The following PRKAR1A variants were observed in gnomAD, a reference collection of about 807,000 sequenced individuals.
PRKAR1A encodes protein kinase cAMP-dependent type I regulatory subunit alpha, also known as cAMP-dependent protein kinase type I-alpha regulatory subunit.
Under a neutral mutation model 52.0 loss-of-function variants are expected in PRKAR1A, and 3 were observed. That is an observed-to-expected ratio of 0.06 (90% CI 0.03 to 0.15). The LOEUF (loss-of-function observed/expected upper bound fraction) is 0.15. PRKAR1A is among the 10% of genes least tolerant of loss of function. The pLI is 1.00. For missense variants in PRKAR1A, 240 were observed against 477.4 expected (o/e 0.50, Z 4.63); for synonymous variants, 188 against 168.4 (o/e 1.12, Z -0.90).
the PRKAR1A span, among the ~76,000 whole-genome samples, chr17:68,480,114 C>G: frequency 6.6e-6 from 1 of 152,108 alleles, no homozygotes; most frequent in Non-Finnish European, 1.5e-5. Context: ...TCTCATGTTT[C>G]ATTTCTAGAA....
the PRKAR1A span, among the ~76,000 whole-genome samples, chr17:68,487,082 C>T: frequency 7.9e-5 from 12 of 152,212 alleles, no homozygotes; most frequent in East Asian, 1.9e-3. Flanking sequence ...CCATGTTAGC[C>T]AGGCTGGTCT....
the PRKAR1A span, chr17:68,421,426 G>A: frequency 2.6e-4 from 72 of 274,882 alleles, no homozygotes; most frequent in Non-Finnish European, 4.3e-4. Flanking sequence ...AATTCAAAGA[G>A]ATGTTCCTAT....
In PRKAR1A at chr17:68,530,392, A is replaced by G. The variant is rs2085940866; in HGVS notation, c.1089A>G (p.Ser363=). The G allele has an allele frequency of 6.2e-7, 1 of 1,614,010 alleles. No homozygotes were observed. The highest frequency in any genetic ancestry group is 8.5e-7 in the Non-Finnish European group (1 of 1,179,986). ...TTGAACGTGTTCTTGGCCCATGCTC[A>G]GACATCCTCAAACGAAACATCCAGC... ...PRFERVLGPC[S]DILKRNIQQY... The change falls in exon 11 of 11, where the codon TCA becomes TCG. Residue 363 remains serine (S), a synonymous_variant. Coordinates refer to ENST00000589228, the MANE Select transcript of PRKAR1A (RefSeq NM_002734.5).
intron 11 of PRKAR1A, among the ~76,000 whole-genome samples, chr17:68,548,654 A>G (rs1312331270): frequency 6.6e-6 from 1 of 151,502 alleles, no homozygotes; most frequent in East Asian, 1.9e-4. Context: ...ACAAGCCTTC[A>G]CTTTGTAAAA....
At chr17:68,428,776 A>G in the PRKAR1A span, 6 of 1,413,418 alleles carry the variant, frequency 4.2e-6, no homozygotes, top group Middle Eastern at 1.8e-4. Context: ...CGAAGGGACA[A>G]CTCTACACGA....
the PRKAR1A span, among the ~76,000 whole-genome samples, chr17:68,437,425 T>C: frequency 2.0e-5 from 3 of 151,776 alleles, no homozygotes; most frequent in African/African-American, 7.3e-5. Context: ...TGTGGTTGCA[T>C]GTGCCTGTAG....
At chr17:68,520,287 C>T (rs755860224) in intron 2 of PRKAR1A, among the ~76,000 whole-genome samples, 2 of 152,094 alleles carry the variant, frequency 1.3e-5, no homozygotes, top group Non-Finnish European at 2.9e-5. Flanking sequence ...GGAAGAGTGA[C>T]AGAAGCAGGG....
At chr17:68,430,217 A>C in the PRKAR1A span, 4 of 1,540,384 alleles carry the variant, frequency 2.6e-6, no homozygotes, top group Non-Finnish European at 3.5e-6. Context: ...ACACGCACCC[A>C]GGAATCTCCA....
chr17:68,490,389 G>A, the PRKAR1A span, among the ~76,000 whole-genome samples: 1 of 152,220 alleles, frequency 6.6e-6, no homozygotes, highest in Non-Finnish European at 1.5e-5. Context: ...TGGAGAGCTT[G>A]TAAAGCAGCC....
At chr17:68,549,692 T>C (rs1361933833) in intron 11 of PRKAR1A, among the ~76,000 whole-genome samples, 1 of 152,184 alleles carries the variant, frequency 6.6e-6, no homozygotes, top group Non-Finnish European at 1.5e-5. Context: ...TTTGAGTATA[T>C]ATTATATGTG....
Position 68,523,733 on chromosome 17 carries a change from A to T in PRKAR1A, c.357A>T (p.Pro119=), listed in dbSNP as rs779193269. ...DAASYVRKVI[P]KDYKTMAALA... ...CTTCAGTTCTTTTCTAGGTTATACC[A>T]AAAGATTACAAGACAATGGCCGCTT... Residue 119 remains proline (P), a synonymous_variant, in exon 4 of 11, where the codon CCA becomes CCT. Coordinates refer to ENST00000589228, the MANE Select transcript of PRKAR1A (RefSeq NM_002734.5). 1 of 1,613,122 alleles carries T rather than the reference A, an allele frequency of 6.2e-7. No homozygotes were observed. The highest frequency in any genetic ancestry group is 1.1e-5 in the South Asian group (1 of 91,050).
In PRKAR1A at chr17:68,519,964, A is replaced by G. The variant is rs527470738; in HGVS notation, c.178-2792A>G. On this transcript the variant is annotated intron_variant, in intron 2 of 10. Coordinates refer to ENST00000589228, the MANE Select transcript of PRKAR1A (RefSeq NM_002734.5). ...GCTGTGGTTATAGACTGTAGTCGTCAGCTTTTGCTGGAGCAACATACAACC... is the reference window on the plus strand; with the variant it reads ...GCTGTGGTTATAGACTGTAGTCGTCGGCTTTTGCTGGAGCAACATACAACC... Among the ~76,000 whole-genome samples, 4 of 152,382 alleles carry G rather than the reference A, an allele frequency of 2.6e-5. No homozygotes were observed. In the East Asian group the frequency reaches 7.7e-4, roughly 29 times the overall value.
the PRKAR1A span, among the ~76,000 whole-genome samples, chr17:68,506,030 T>A: frequency 6.6e-6 from 1 of 152,102 alleles, no homozygotes; most frequent in Admixed American, 6.6e-5. Flanking sequence ...TCAAATTCAG[T>A]GTTCATAAAT....
intron 11 of PRKAR1A, among the ~76,000 whole-genome samples, chr17:68,547,232 CAA>C (rs1014477515): frequency 2.6e-5 from 4 of 152,198 alleles, no homozygotes; most frequent in African/African-American, 4.8e-5. Flanking sequence ...TATCACCTAA[CAA>C]GAGAGTCAGC....
chr17:68,437,147 A>T, the PRKAR1A span, among the ~76,000 whole-genome samples: 1 of 152,108 alleles, frequency 6.6e-6, no homozygotes, highest in East Asian at 1.9e-4. Flanking sequence ...AACTGAAATA[A>T]ATCTTCCTAT....
intron 3 of PRKAR1A, 35 bp from the exon 4 acceptor site, chr17:68,523,690 A>G: frequency 6.4e-7 from 1 of 1,550,470 alleles, no homozygotes; most frequent in Non-Finnish European, 8.9e-7. Context: ...TTTTTGGTTT[A>G]TGGAATTGTC....
At chr17:68,426,260 A>T in the PRKAR1A span, 1 of 1,030,856 alleles carries the variant, frequency 9.7e-7, no homozygotes, top group Non-Finnish European at 1.5e-6. Context: ...GGGGGCTCAA[A>T]TAAAGGGCAA....
chr17:68,537,306 A>C (rs1158885785), downstream of PRKAR1A: 1 of 844,510 alleles, frequency 1.2e-6, no homozygotes, highest in Non-Finnish European at 1.9e-6. The surrounding 1 kb of genome is among the most constrained non-coding windows in gnomAD (Gnocchi z 4.2). Flanking sequence ...TGCACCAAGG[A>C]GTAAAGATTC....
chr17:68,429,196 A>G, the PRKAR1A span, among the ~76,000 whole-genome samples: 1 of 152,194 alleles, frequency 6.6e-6, no homozygotes. Flanking sequence ...GCGAGAAGCA[A>G]TAGCTAGTGA....
Sources: allele counts gnomAD v4.1 joint callset (sites outside exome capture counted in the v4.1 genomes callset), GRCh38; gene constraint gnomAD v4.1.1; non-coding constraint Gnocchi (gnomAD v3.1); transcripts MANE v1.5; gene names NCBI Gene and HGNC (gene_info 2026-07-23, HGNC 2026-07-21).